The following GSG1L variants were observed in gnomAD, a reference collection of about 807,000 sequenced individuals.
GSG1L encodes GSG1 like.
GSG1L carries 24 observed loss-of-function variants against 42.1 expected under a neutral mutation model. The observed-to-expected ratio is 0.57, with a 90% CI of 0.41 to 0.80. The LOEUF (loss-of-function observed/expected upper bound fraction) is 0.80, where lower values mean the gene tolerates loss of function less well. Ranked by LOEUF, GSG1L falls within the 30% of genes least tolerant of loss-of-function variation. The pLI, the probability that GSG1L is intolerant of heterozygous loss-of-function variation, is 0.00. For missense variants in GSG1L, 445 were observed against 472.2 expected (o/e 0.94, Z 0.53); for synonymous variants, 215 against 203.5 (o/e 1.06, Z -0.48).
intron 1 of GSG1L, among the ~76,000 whole-genome samples, chr16:28,020,718 A>G (rs1357447002): frequency 6.6e-6 from 1 of 152,208 alleles, no homozygotes; most frequent in Non-Finnish European, 1.5e-5. Context: ...AAGGCATTGC[A>G]ACTTCTTGCT....
intron 2 of GSG1L, among the ~76,000 whole-genome samples, chr16:27,956,029 C>T (rs1180451072): frequency 2.6e-5 from 4 of 152,100 alleles, no homozygotes; most frequent in Non-Finnish European, 4.4e-5. Context: ...TCTTTGAAGA[C>T]ATTGAGAGAA....
At chr16:27,946,571 AAGAAAGAAAGAGAG>A (rs1251590710) in intron 2 of GSG1L, among the ~76,000 whole-genome samples, 121 of 37,876 alleles carry the variant, frequency 3.2e-3, no homozygotes, top group Non-Finnish European at 5.1e-3. Flanking sequence ...GAAAGAAAGA[AAGAAAGAAAGAGAG>A]AGAGAGAGAG....
intron 5 of GSG1L, 123 bp from the exon 6 acceptor site, chr16:27,807,677 T>C: frequency 1.4e-6 from 1 of 724,018 alleles, no homozygotes; most frequent in Non-Finnish European, 2.3e-6. Context: ...CAAAGTAACT[T>C]TCCACCTGCT....
Position 28,040,959 on chromosome 16 carries a change from G to A in GSG1L, c.349+22117C>T, listed in dbSNP as rs577256549. Among the ~76,000 whole-genome samples the A allele has an allele frequency of 6.6e-6, 1 of 152,228 alleles. No homozygotes were observed. Among genetic ancestry groups the A allele is most frequent in the Non-Finnish European group, 1.5e-5 (1 of 68,048 alleles). On this transcript the variant is annotated intron_variant, in intron 1 of 6. Transcript: ENST00000447459. This position sits in a 1 kb window ranked among gnomAD's most constrained non-coding sequence, Gnocchi z 4.1. ...TGTGCCAAGTGCTAGGGTGAGGACT[G>A]CACCTCCGTGTCCTCTCAATCTCAC...
chr16:27,866,821 C>T (rs1001575434), intron 3 of GSG1L, among the ~76,000 whole-genome samples: 4 of 152,196 alleles, frequency 2.6e-5, no homozygotes, highest in Admixed American at 2.6e-4. Context: ...ATCCTCCCGC[C>T]TCAGCCTCCC....
At chr16:28,024,844 G>A (rs2085882364) in intron 1 of GSG1L, among the ~76,000 whole-genome samples, 2 of 152,220 alleles carry the variant, frequency 1.3e-5, no homozygotes, top group South Asian at 4.1e-4. Flanking sequence ...CTTAGCTGAG[G>A]CTGAGCAGGG....
chr16:28,016,834 C>T (rs1046001808), intron 1 of GSG1L, among the ~76,000 whole-genome samples: 5 of 152,158 alleles, frequency 3.3e-5, no homozygotes, highest in East Asian at 1.9e-4. Flanking sequence ...ATGATCTGTC[C>T]AAGGTCCATC....
intron 3 of GSG1L, among the ~76,000 whole-genome samples, chr16:27,875,972 C>T (rs1341412486): frequency 1.3e-5 from 2 of 152,148 alleles, no homozygotes; most frequent in Non-Finnish European, 2.9e-5. Context: ...GTGCCTGAAG[C>T]CCACCCCCTC....
At chr16:27,816,257 C>T (rs901428662) in intron 5 of GSG1L, among the ~76,000 whole-genome samples, 2 of 152,152 alleles carry the variant, frequency 1.3e-5, no homozygotes, top group African/African-American at 4.8e-5. Context: ...GTCATTGCCT[C>T]AGGAAAGGGA....
At position 27,923,500 on chromosome 16, in the gene GSG1L, T is replaced by C. The variant is rs997094379; in HGVS notation, c.398-38862A>G. On this transcript the variant is annotated intron_variant, in intron 2 of 6. Coordinates refer to ENST00000447459, the MANE Select transcript of GSG1L (RefSeq NM_001109763.2). ...TGGTTCACACCTATAATCCCAGCAC[T>C]TTGGGAGACTGAGGCAGGCAGATCG... Among the ~76,000 whole-genome samples, 236 of 152,206 alleles carry C rather than the reference T, an allele frequency of 1.6e-3. 2 individuals carry two copies. The highest frequency in any genetic ancestry group is 3.4e-4 in the Non-Finnish European group (23 of 68,018).
chr16:27,949,501 T>C (rs1430567777), intron 2 of GSG1L, among the ~76,000 whole-genome samples: 1 of 152,182 alleles, frequency 6.6e-6, no homozygotes, highest in Non-Finnish European at 1.5e-5. Flanking sequence ...AAGCCTATAG[T>C]CCCAGCTACT....
intron 6 of GSG1L, among the ~76,000 whole-genome samples, chr16:27,802,217 C>T (rs1281383792): frequency 6.6e-6 from 1 of 152,156 alleles, no homozygotes; most frequent in Non-Finnish European, 1.5e-5. Context: ...GGTCCAGCAA[C>T]GTGCCTTATT....
chr16:27,979,459 G>A (rs181404383), intron 1 of GSG1L, among the ~76,000 whole-genome samples: 315 of 150,614 alleles, frequency 2.1e-3, no homozygotes, highest in Non-Finnish European at 3.8e-3. Context: ...CCAGCTACTC[G>A]GGAGGCTGAG....
intron 1 of GSG1L, among the ~76,000 whole-genome samples, chr16:28,003,262 T>C (rs1051987464): frequency 6.6e-6 from 1 of 152,188 alleles, no homozygotes. Flanking sequence ...CAGAACCCAC[T>C]CACAGGAGCT....
At chr16:27,918,467 G>A (rs976653378) in intron 2 of GSG1L, among the ~76,000 whole-genome samples, 40 of 152,030 alleles carry the variant, frequency 2.6e-4, no homozygotes, top group Non-Finnish European at 5.6e-4. Flanking sequence ...AGACTAGCCT[G>A]GCCAACGTGG....
At chr16:27,890,829 T>G (rs886138400) in intron 2 of GSG1L, among the ~76,000 whole-genome samples, 1 of 152,182 alleles carries the variant, frequency 6.6e-6, no homozygotes, top group Non-Finnish European at 1.5e-5. Context: ...AGAAGGTAGT[T>G]GGAGTCAACA....
intron 3 of GSG1L, among the ~76,000 whole-genome samples, chr16:27,868,522 A>C (rs2083760412): frequency 1.3e-5 from 2 of 152,234 alleles, no homozygotes; most frequent in African/African-American, 4.8e-5. Context: ...CTAAAATAGA[A>C]ATAGATCCAG....
At position 28,063,713 on chromosome 16, in the gene GSG1L, C is replaced by T. The variant is rs1281763357; in HGVS notation, c.-289G>A. ...CACCTCGGCTAGGAGCCGCTGGCGC[C>T]TGGCAGCGGCCACGGCGCAGGGACG... On this transcript the variant is annotated 5_prime_UTR_variant, in exon 1 of 7. Transcript: ENST00000447459. The surrounding 1 kb of genome is among the most constrained non-coding windows in gnomAD (Gnocchi z 5.8). Among the ~76,000 whole-genome samples the T allele has an allele frequency of 6.6e-6, 1 of 150,654 alleles. No homozygotes were observed. The highest frequency in any genetic ancestry group is 2.4e-5 in the African/African-American group (1 of 41,146).
intron 6 of GSG1L, among the ~76,000 whole-genome samples, chr16:27,794,005 G>GTTTT (rs200630221): frequency 3.5e-5 from 5 of 144,384 alleles, no homozygotes; most frequent in Non-Finnish European, 6.3e-5. Flanking sequence ...TTCCTAAACT[G>GTTTT]TTTTTTTGTT....
Sources: gnomAD v4.1 joint callset for allele counts (sites outside exome capture counted in the v4.1 genomes callset) on GRCh38, gnomAD v4.1.1 for gene constraint, Gnocchi (gnomAD v3.1) non-coding constraint, MANE v1.5 for transcripts, NCBI Gene and HGNC (gene_info 2026-07-23, HGNC 2026-07-21) for gene names.